CREG2: variants seen among roughly 807,000 people sequenced by gnomAD.
CREG2 encodes protein CREG2.
In CREG2, 24 loss-of-function variants were observed where a neutral mutation model predicts 26.2. The ratio of observed to expected loss-of-function variants is 0.92; its 90% CI spans 0.66 to 1.29. The LOEUF is 1.29. CREG2 is among the 50% of genes most tolerant of loss of function. The pLI is 0.00. For synonymous variants in CREG2, 174 were observed against 169.2 expected (o/e 1.03, Z -0.22); for missense variants, 366 against 398.6 (o/e 0.92, Z 0.70).
chr2:101,372,677 C>A lies in CREG2; in HGVS notation c.611+10856G>T, dbSNP rs1189098472. On this transcript the variant is annotated intron_variant, in intron 2 of 3. Transcript: ENST00000324768. ...TATTGAATCCTCAGCAGTTTTCCTG[C>A]TTCTTCCAAGACAAAAGAAGAGAAA... Among the ~76,000 whole-genome samples, 4 of 152,156 alleles carry A rather than the reference C, an allele frequency of 2.6e-5. No homozygotes were observed. The East Asian group carries it at 7.7e-4, about 29-fold the overall frequency.
rs1257967709 is a variant in CREG2 at position 101,383,561 on chromosome 2, G to A, written c.583C>T (p.Leu195=). The change falls in exon 2 of 4, where the codon CTG becomes TTG. Residue 195 remains leucine, a synonymous_variant. Transcript: ENST00000324768. ...CAGAACTCCCCTTCTGATTCTGGCAGCATCAGCGAGGCCATGGGGTTCTTC... is the reference window on the plus strand; with the variant it reads ...CAGAACTCCCCTTCTGATTCTGGCAACATCAGCGAGGCCATGGGGTTCTTC... The part of the protein sequence containing the change: ...LMKNPMASLM[L]PESEGEFCRK... The A allele has an allele frequency of 1.2e-6, 2 of 1,614,084 alleles. No homozygotes were observed. Among genetic ancestry groups the A allele is most frequent in the South Asian group, 1.1e-5 (1 of 91,068 alleles).
At position 101,387,436 on chromosome 2, in the gene CREG2, G is replaced by C; in HGVS notation, c.22C>G (p.Arg8Gly). The C allele has an allele frequency of 8.1e-7, 1 of 1,239,486 alleles. No homozygotes were observed. Among genetic ancestry groups the C allele is most frequent in the Non-Finnish European group, 1.0e-6 (1 of 984,818 alleles). The allele number at this position is 1,239,486 out of a possible 1,614,324, so 76.8% of individuals were successfully genotyped here. A position where few individuals can be genotyped will look rare whatever the true frequency, so the allele number is the denominator to read the frequency against. The change falls in exon 1 of 4, where the codon CGG becomes GGG. Residue 8 changes from arginine to glycine, a missense_variant. Arg to Gly is a moderately radical substitution (Grantham distance 125, BLOSUM62 -2). Coordinates refer to ENST00000324768, the MANE Select transcript of CREG2 (RefSeq NM_153836.4). The surrounding 1 kb of genome is among the most constrained non-coding windows in gnomAD (Gnocchi z 4.7). ...AGGCGGGTCCCCGGCCGCGCCGGCC[G>C]CCGGCCGCGGCGCACGGACATCTTG... MSVRRGR[R>G]PARPGTRLSW...
In CREG2 at chr2:101,348,954, G is replaced by A. The variant is rs1325274034; in HGVS notation, c.*1969C>T. 6.6e-6 allele frequency: 1 copy of A among 152,488 alleles called. No individual in the cohort carries two copies. The highest frequency in any genetic ancestry group is 2.4e-5 in the African/African-American group (1 of 41,410). The allele number at this position is 152,488 out of a possible 1,614,324, so 9.4% of individuals were successfully genotyped here. A position where few individuals can be genotyped will look rare whatever the true frequency, so the allele number is the denominator to read the frequency against. ...CCAACCTTTTCAGGTTTCATTTCCT[G>A]TAATTTGGATAAATAGCTGATAACA... On this transcript the variant is annotated 3_prime_UTR_variant, in exon 4 of 4. Coordinates refer to ENST00000324768, the MANE Select transcript of CREG2 (RefSeq NM_153836.4).
Position 101,387,425 on chromosome 2 carries a change from C to T in CREG2, c.33G>A (p.Arg11=). The change falls in exon 1 of 4, where the codon CGG becomes CGA. Residue 11 remains arginine, a synonymous_variant. Coordinates refer to ENST00000324768, the MANE Select transcript of CREG2 (RefSeq NM_153836.4). The surrounding 1 kb of genome is among the most constrained non-coding windows in gnomAD (Gnocchi z 4.7). ...GCAGCCAGGAGAGGCGGGTCCCCGGCCGCGCCGGCCGCCGGCCGCGGCGCA... is the reference window on the plus strand; with the variant it reads ...GCAGCCAGGAGAGGCGGGTCCCCGGTCGCGCCGGCCGCCGGCCGCGGCGCA... MSVRRGRRPA[R]PGTRLSWLLC... is the part of the protein sequence containing the mutation. 4 of 1,257,238 alleles carry T rather than the reference C, an allele frequency of 3.2e-6. No homozygotes were observed. Among genetic ancestry groups the T allele is most frequent in the Non-Finnish European group, 3.0e-6 (3 of 997,014 alleles). The allele number at this position is 1,257,238 out of a possible 1,614,324, so 77.9% of individuals were successfully genotyped here. A position where few individuals can be genotyped will look rare whatever the true frequency, so the allele number is the denominator to read the frequency against.
intron 2 of CREG2, among the ~76,000 whole-genome samples, chr2:101,369,834 G>A (rs560679578): frequency 6.6e-5 from 10 of 152,302 alleles, no homozygotes; most frequent in Admixed American, 1.3e-4. Flanking sequence ...CTGCGTGCAC[G>A]TATTTAGAGC....
chr2:101,350,840 G>A lies in CREG2; in HGVS notation c.*83C>T. On this transcript the variant is annotated 3_prime_UTR_variant, in exon 4 of 4. Coordinates refer to ENST00000324768, the MANE Select transcript of CREG2 (RefSeq NM_153836.4). Reference sequence around the variant, plus strand: ...GCTGCTATGAACCCTTCAACAAAGAGACAGTGGTCAATAGCTGTCTGGCTG... The same window carrying A: ...GCTGCTATGAACCCTTCAACAAAGAAACAGTGGTCAATAGCTGTCTGGCTG... The A allele has an allele frequency of 7.1e-7, 1 of 1,411,218 alleles. No homozygotes were observed. The highest frequency in any genetic ancestry group is 9.9e-7 in the Non-Finnish European group (1 of 1,010,366). The allele number at this position is 1,411,218 out of a possible 1,614,324, so 87.4% of individuals were successfully genotyped here.
At chr2:101,381,936 C>T (rs1684880791) in intron 2 of CREG2, 1 of 152,426 alleles carries the variant, frequency 6.6e-6, no homozygotes, top group Non-Finnish European at 1.5e-5. Context: ...AGGACCTCTC[C>T]TAAGTCAGAT....
intron 2 of CREG2, among the ~76,000 whole-genome samples, chr2:101,365,517 A>G (rs1174066729): frequency 6.6e-6 from 1 of 152,140 alleles, no homozygotes. Context: ...TTCCCAACCA[A>G]TATTGTCTGT....
chr2:101,372,814 A>C (rs779677690), intron 2 of CREG2, among the ~76,000 whole-genome samples: 9 of 152,374 alleles, frequency 5.9e-5, no homozygotes, highest in Non-Finnish European at 1.2e-4. Flanking sequence ...TACCAAATTT[A>C]AAAATGGGTA....
intron 2 of CREG2, among the ~76,000 whole-genome samples, chr2:101,359,808 C>G (rs1342274052): frequency 1.3e-5 from 2 of 152,218 alleles, no homozygotes; most frequent in Non-Finnish European, 2.9e-5. Flanking sequence ...TCGCTGTTAC[C>G]AGCATTATGC....
chr2:101,351,022 C>T lies in CREG2; in HGVS notation c.774G>A (p.Met258Ile). 20 of 1,614,190 alleles carry T rather than the reference C, an allele frequency of 1.2e-5. No homozygotes were observed. The highest frequency in any genetic ancestry group is 1.7e-5 in the Non-Finnish European group (20 of 1,180,016). Residue 258 changes from methionine (M) to isoleucine (I), a missense_variant, in exon 4 of 4, where the codon ATG becomes ATA. Around this residue, in one of 3 missense-constraint regions of CREG2, gnomAD observed 174 missense variants for 178.2 expected, o/e 0.98. Coordinates refer to ENST00000324768, the MANE Select transcript of CREG2 (RefSeq NM_153836.4). ...GCCAGATATGTTCTATCCTCATCTTCATAAAGAACCATTCATATTGACGAG... is the reference window on the plus strand; with the variant it reads ...GCCAGATATGTTCTATCCTCATCTTTATAAAGAACCATTCATATTGACGAG... Reference protein sequence around the residue: ...KWPRQYEWFFMKMRIEHIWLQ... With the variant: ...KWPRQYEWFFIKMRIEHIWLQ...
At chr2:101,364,877 G>A (rs1171086408) in intron 2 of CREG2, among the ~76,000 whole-genome samples, 1 of 152,210 alleles carries the variant, frequency 6.6e-6, no homozygotes, top group African/African-American at 2.4e-5. Context: ...CCTGGGCAAA[G>A]AGAAAGGGGA....
chr2:101,353,775 T>C (rs929528769), intron 3 of CREG2, among the ~76,000 whole-genome samples: 17 of 152,182 alleles, frequency 1.1e-4, no homozygotes, highest in African/African-American at 4.1e-4. Context: ...CATGGAATAC[T>C]ATGCAGCCAT....
At chr2:101,379,281 G>C (rs766515287) in intron 2 of CREG2, among the ~76,000 whole-genome samples, 65 of 152,302 alleles carry the variant, frequency 4.3e-4, no homozygotes, top group African/African-American at 1.3e-3. Context: ...CCCTAACTAG[G>C]TGGGATGAAC....
intron 2 of CREG2, among the ~76,000 whole-genome samples, chr2:101,359,830 T>C (rs1032665496): frequency 6.6e-6 from 1 of 152,226 alleles, no homozygotes; most frequent in African/African-American, 2.4e-5. Context: ...TCAACCAGAC[T>C]CCCTGGGAAA....
At chr2:101,369,672 C>T (rs1044808903) in intron 2 of CREG2, among the ~76,000 whole-genome samples, 2 of 152,146 alleles carry the variant, frequency 1.3e-5, no homozygotes, top group Admixed American at 6.5e-5. Flanking sequence ...TTTCCATGTG[C>T]GTCTTATACC....
Position 101,383,612 on chromosome 2 carries a change from T to C in CREG2, c.532A>G (p.Lys178Glu). Residue 178 changes from lysine (K) to glutamate (E), a missense_variant, in exon 2 of 4, where the codon AAG (lysine) becomes GAG (glutamate). By Grantham distance (56) the Lys-to-Glu change is moderately conservative. Coordinates refer to ENST00000324768, the MANE Select transcript of CREG2 (RefSeq NM_153836.4). Reference sequence around the variant, plus strand: ...ATCAGATCAGCCACCACGGGGTCCTTGGCTGTCATGTAGAAGAAAGGAATC... The same window carrying C: ...ATCAGATCAGCCACCACGGGGTCCTCGGCTGTCATGTAGAAGAAAGGAATC... ...TGIPFFYMTA[K>E]DPVVADLMKN... The C allele has an allele frequency of 6.2e-7, 1 of 1,614,186 alleles. No individual in the cohort carries two copies. The highest frequency in any genetic ancestry group is 8.5e-7 in the Non-Finnish European group (1 of 1,180,028).
At chr2:101,359,469 G>C (rs540075736) in intron 2 of CREG2, among the ~76,000 whole-genome samples, 3 of 152,130 alleles carry the variant, frequency 2.0e-5, no homozygotes, top group African/African-American at 7.2e-5. Flanking sequence ...CCACTTACCC[G>C]GCTCCTGAGA....
intron 2 of CREG2, among the ~76,000 whole-genome samples, chr2:101,373,105 G>C (rs1684737282): frequency 6.6e-6 from 1 of 152,084 alleles, no homozygotes; most frequent in African/African-American, 2.4e-5. Flanking sequence ...TCCATTCCTA[G>C]GTATATACCA....
Sources: gnomAD v4.1 joint callset for allele counts (sites outside exome capture counted in the v4.1 genomes callset) on GRCh38, gnomAD v4.1.1 for gene constraint, gnomAD v4.1.1 regional missense constraint, Gnocchi (gnomAD v3.1) non-coding constraint, MANE v1.5 for transcripts, NCBI Gene and HGNC (gene_info 2026-07-23, HGNC 2026-07-21) for gene names.